Variants in PROM1 observed in about 807,000 individuals in gnomAD.
PROM1 encodes the protein prominin 1.
A neutral mutation model predicts 116.9 loss-of-function variants in PROM1; 105 were observed. That is an observed-to-expected ratio of 0.90 (90% CI 0.77 to 1.06). The LOEUF (loss-of-function observed/expected upper bound fraction) is 1.06, where lower values mean the gene tolerates loss of function less well. Ranked by LOEUF, PROM1 falls within the 50% of genes least tolerant of loss-of-function variation. PROM1 has a pLI of 0.00. For missense variants in PROM1, 1,122 were observed against 1,045.2 expected, an observed-to-expected ratio of 1.07 and a Z score of -1.01; for synonymous variants, 393 against 387.0, an observed-to-expected ratio of 1.02 and a Z score of -0.18.
intron 1 of PROM1, among the ~76,000 whole-genome samples, chr4:16,082,812 C>T (rs994525152): frequency 6.6e-6 from 1 of 152,100 alleles, no homozygotes; most frequent in Admixed American, 6.5e-5. Flanking sequence ...GACTCCCTGC[C>T]CCTCCAGACA....
At chr4:16,016,085 G>T in intron 10 of PROM1, 81 bp downstream of exon 10, 2 of 1,218,674 alleles carry the variant, frequency 1.6e-6, no homozygotes, top group Admixed American at 2.3e-5. Context: ...CTGCTTTTTT[G>T]CTATTTCCTA....
At chr4:16,063,026 G>C (rs923106490) in intron 2 of PROM1, among the ~76,000 whole-genome samples, 1 of 152,124 alleles carries the variant, frequency 6.6e-6, no homozygotes, top group South Asian at 2.1e-4. Context: ...CACTGCCAAC[G>C]TCACAAAAGA....
At chr4:15,999,420 T>G (rs903448923) in intron 14 of PROM1, among the ~76,000 whole-genome samples, 11 of 151,314 alleles carry the variant, frequency 7.3e-5, no homozygotes, top group African/African-American at 2.4e-4. Context: ...GCAGTGAGCC[T>G]AGATGGCACC....
intron 1 of PROM1, chr4:16,083,181 C>T (rs538398379): frequency 8.5e-5 from 13 of 152,632 alleles, no homozygotes; most frequent in African/African-American, 3.1e-4. Context: ...GGGGCCATCC[C>T]TAGAGTTTCC....
intron 3 of PROM1, among the ~76,000 whole-genome samples, chr4:16,037,456 T>C (rs1002495295): frequency 1.3e-5 from 2 of 152,220 alleles, no homozygotes; most frequent in Non-Finnish European, 2.9e-5. Flanking sequence ...CTGCATTTAC[T>C]TTTCTCTTGA....
chr4:15,971,351 G>T, intron 26 of PROM1: 1 of 411,530 alleles, frequency 2.4e-6, no homozygotes. Context: ...AAGGTTAAAA[G>T]TGTTAAGAGT....
At chr4:16,034,225 C>G (rs1363050128) in intron 4 of PROM1, among the ~76,000 whole-genome samples, 1 of 152,116 alleles carries the variant, frequency 6.6e-6, no homozygotes, top group African/African-American at 2.4e-5. Context: ...AACAATTACT[C>G]AAGAATCTGG....
In PROM1 at chr4:16,015,345, CA is replaced by C. The variant is rs71649934; in HGVS notation, c.1077+820del. Among the ~76,000 whole-genome samples the C allele has an allele frequency of 1.8e-3, 91 of 51,542 alleles. No individual in the cohort carries two copies. The East Asian group carries it at 0.031, about 17-fold the overall frequency. The allele number at this position is 51,542 out of a possible 152,430, so 33.8% of individuals were successfully genotyped here. A position where few individuals can be genotyped will look rare whatever the true frequency, so the allele number is the denominator to read the frequency against. The stretch of plus-strand genomic sequence containing the variant: ...TGGGCAACAGCGCAAGACTCCATCT[CA>C]AAAAAAAAAAAAAAAAAAAAGAAGA... On this transcript the variant is annotated intron_variant, in intron 10 of 27. Transcript: ENST00000447510.
chr4:15,992,442 C>G (rs953780891), intron 16 of PROM1, 51 bp from the exon 17 acceptor site: 3 of 1,585,192 alleles, frequency 1.9e-6, no homozygotes, highest in Middle Eastern at 1.7e-4. Context: ...AAGAATGTCA[C>G]AAACCAAATG....
At chr4:16,045,107 A>T (rs1274353592) in intron 2 of PROM1, among the ~76,000 whole-genome samples, 2 of 152,102 alleles carry the variant, frequency 1.3e-5, no homozygotes, top group East Asian at 3.9e-4. Flanking sequence ...GGCCCTCAGC[A>T]AGTGGCACAG....
chr4:15,986,070 A>G (rs762634217), intron 20 of PROM1, 33 bp from the exon 21 acceptor site: 2 of 1,429,576 alleles, frequency 1.4e-6, no homozygotes, highest in South Asian at 2.5e-5. Flanking sequence ...TCAGGGTATC[A>G]AGTCATAGAA....
Position 16,033,409 on chromosome 4 carries a change from C to G in PROM1, c.404G>C (p.Cys135Ser). 1.9e-6 allele frequency: 3 copies of G among 1,613,772 alleles called. No homozygotes were observed. Among genetic ancestry groups the G allele is most frequent in the East Asian group, 4.5e-5 (2 of 44,868 alleles). Residue 135 changes from cysteine (C) to serine (S), a missense_variant, in exon 5 of 28, where the codon TGC becomes TCC. By Grantham distance (112) the Cys-to-Ser change is moderately radical (BLOSUM62 -1). Transcript: ENST00000447510. ...CATTTCTCCACCACATTTGTTACAGCAACGACACATACAAAAGAAATACCC... is the reference window on the plus strand; with the variant it reads ...CATTTCTCCACCACATTTGTTACAGGAACGACACATACAAAAGAAATACCC... ...LVGYFFCMCR[C>S]CNKCGGEMHQ...
intron 2 of PROM1, among the ~76,000 whole-genome samples, chr4:16,067,821 G>C (rs1393284569): frequency 1.3e-5 from 2 of 152,172 alleles, no homozygotes; most frequent in African/African-American, 2.4e-5. Flanking sequence ...CATGGTGACA[G>C]TGAGGGCCCA....
chr4:15,986,874 G>C (rs2041209), intron 20 of PROM1, among the ~76,000 whole-genome samples: 150,973 of 152,370 alleles, frequency 0.99, 74,804 homozygotes, highest in Middle Eastern at 1. Flanking sequence ...CCCAAAACCT[G>C]TCATGTACAG....
rs753308387 is a variant in PROM1 at position 15,998,435 on chromosome 4, C to A, written c.1632G>T (p.Gly544=). ...TCATTTTTGATTTATTAAATAGCTT[C>A]CCAGAGAGATAGTATTCCCAGTCTT... The part of the protein sequence containing the change: ...LNEDWEYYLS[G]KLFNKSKMKL... The change falls in exon 15 of 28, where the codon GGG becomes GGT. Residue 544 remains glycine, a synonymous_variant. Transcript: ENST00000447510. The A allele has an allele frequency of 1.8e-5, 29 of 1,609,510 alleles. 1 individual carries two copies. The South Asian group carries it at 3.0e-4, about 17-fold the overall frequency.
chr4:16,002,712 T>G (rs1216887541), intron 13 of PROM1, among the ~76,000 whole-genome samples: 1 of 152,182 alleles, frequency 6.6e-6, no homozygotes, highest in Admixed American at 6.5e-5. Context: ...AGCATGTGTG[T>G]CTGTGTGTTG....
At chr4:16,062,605 C>A (rs1179461069) in intron 2 of PROM1, among the ~76,000 whole-genome samples, 1 of 152,176 alleles carries the variant, frequency 6.6e-6, no homozygotes, top group Admixed American at 6.5e-5. Context: ...GAACTCTGAA[C>A]TCTTAAGTGT....
At chr4:15,989,031 G>A (rs1560415731) in intron 19 of PROM1, among the ~76,000 whole-genome samples, 1 of 152,066 alleles carries the variant, frequency 6.6e-6, no homozygotes, top group Non-Finnish European at 1.5e-5. Flanking sequence ...CCACACACAA[G>A]CATAATATAA....
At chr4:16,052,643 G>A (rs561171357) in intron 2 of PROM1, among the ~76,000 whole-genome samples, 2 of 152,048 alleles carry the variant, frequency 1.3e-5, no homozygotes, top group Non-Finnish European at 1.5e-5. Context: ...AACATGCCTG[G>A]CTAATGTTTG....
Sources: allele counts gnomAD v4.1 joint callset (sites outside exome capture counted in the v4.1 genomes callset), GRCh38; gene constraint gnomAD v4.1.1; transcripts MANE v1.5; gene names NCBI Gene and HGNC (gene_info 2026-07-23, HGNC 2026-07-21).